Variants in SLC35F4 observed in about 807,000 individuals in gnomAD.
The protein encoded by SLC35F4 is chromosome 14 open reading frame 36.
A neutral mutation model predicts 44.2 loss-of-function variants in SLC35F4; 24 were observed. The observed-to-expected ratio is 0.54, with a 90% CI of 0.39 to 0.76. The LOEUF is 0.76. Among genes scored for constraint, SLC35F4 ranks in the 30% least tolerant of loss-of-function variants. The pLI is 0.00. For missense variants in SLC35F4, 562 were observed against 586.1 expected, an observed-to-expected ratio of 0.96 and a Z score of 0.42; for synonymous variants, 238 against 223.6, an observed-to-expected ratio of 1.06 and a Z score of -0.57.
chr14:57,944,645 G>A lies in SLC35F4; in HGVS notation n.282+37268C>T, dbSNP rs1046089406. On this transcript the variant is annotated intron_variant and non_coding_transcript_variant, in intron 1 of 1. Coordinates refer to the SLC35F4 transcript ENST00000556568. ...AAGAAAATAAAGAAAAAAGAAAAGA[G>A]GCAGGAAGGGAGGGAGAGAGAGAAA... is the stretch of plus-strand genomic sequence containing the variant. Among the ~76,000 whole-genome samples, 6 of 138,872 alleles carry A rather than the reference G, an allele frequency of 4.3e-5. No homozygotes were observed. In the East Asian group the frequency reaches 1.3e-3, roughly 31 times the overall value. 91.1% of individuals were successfully genotyped at this position (138,872 alleles called of 152,430 possible).
At chr14:57,809,464 C>T (rs773821583) in intron 1 of SLC35F4, among the ~76,000 whole-genome samples, 29 of 152,124 alleles carry the variant, frequency 1.9e-4, no homozygotes, top group Non-Finnish European at 2.6e-4. Flanking sequence ...GCAGACTCCA[C>T]GACCCAGAAG....
At chr14:57,667,110 A>G (rs961805853) in intron 1 of SLC35F4, among the ~76,000 whole-genome samples, 3 of 151,818 alleles carry the variant, frequency 2.0e-5, no homozygotes, top group South Asian at 2.1e-4. Flanking sequence ...GAGCAGATTA[A>G]AGAAAGCATT....
chr14:57,569,708 A>AAAT, intron 6 of SLC35F4, 80 bp downstream of exon 6: 1 of 1,386,280 alleles, frequency 7.2e-7, no homozygotes, highest in Non-Finnish European at 9.5e-7. Context: ...TTACCCAAGG[A>AAAT]AATAATCCTA....
At chr14:57,670,902 C>CTTTTTTTTT (rs35951590) in intron 1 of SLC35F4, among the ~76,000 whole-genome samples, 5 of 107,350 alleles carry the variant, frequency 4.7e-5, no homozygotes, top group Non-Finnish European at 5.3e-5. Flanking sequence ...CTCATTCATT[C>CTTTTTTTTT]TTTTTTTTTT....
chr14:57,979,170 A>T (rs1881301615), intron 1 of SLC35F4, among the ~76,000 whole-genome samples: 1 of 152,206 alleles, frequency 6.6e-6, no homozygotes, highest in Admixed American at 6.5e-5. Flanking sequence ...TGAGGAAAAT[A>T]AAGATTGGGT....
intron 1 of SLC35F4, among the ~76,000 whole-genome samples, chr14:57,725,023 G>C (rs1431238267): frequency 6.6e-6 from 1 of 152,190 alleles, no homozygotes; most frequent in Non-Finnish European, 1.5e-5. Flanking sequence ...AGAGATAAGT[G>C]GATGGACCTC....
chr14:57,712,890 A>C (rs527959985), intron 1 of SLC35F4, among the ~76,000 whole-genome samples: 1 of 152,324 alleles, frequency 6.6e-6, no homozygotes, highest in African/African-American at 2.4e-5. Context: ...GAGTTAGAGC[A>C]GTAATTCCCC....
intron 1 of SLC35F4, among the ~76,000 whole-genome samples, chr14:57,892,996 G>A (rs1888802188): frequency 6.6e-6 from 1 of 152,126 alleles, no homozygotes. Flanking sequence ...CTGCTTAAAA[G>A]AAAGCAAAAC....
At chr14:57,571,047 C>A (rs2068475250) in intron 5 of SLC35F4, among the ~76,000 whole-genome samples, 1 of 152,054 alleles carries the variant, frequency 6.6e-6, no homozygotes, top group Admixed American at 6.6e-5. Flanking sequence ...CTCTGAGACA[C>A]AGTGTTGGTT....
chr14:57,588,891 G>A (rs2069970259), intron 3 of SLC35F4, among the ~76,000 whole-genome samples: 1 of 152,184 alleles, frequency 6.6e-6, no homozygotes, highest in African/African-American at 2.4e-5. Context: ...TTATTTATAA[G>A]TGTATAACAT....
At chr14:57,621,511 C>T (rs2072178762) in intron 1 of SLC35F4, among the ~76,000 whole-genome samples, 1 of 152,118 alleles carries the variant, frequency 6.6e-6, no homozygotes, top group Non-Finnish European at 1.5e-5. Context: ...AGAAATAACA[C>T]TACATATCTA....
intron 1 of SLC35F4, among the ~76,000 whole-genome samples, chr14:57,603,404 T>C (rs1814391198): frequency 6.6e-6 from 1 of 152,196 alleles, no homozygotes; most frequent in Non-Finnish European, 1.5e-5. Context: ...TCTTCCTATT[T>C]AGGGGGAGTT....
intron 1 of SLC35F4, among the ~76,000 whole-genome samples, chr14:57,716,510 T>A (rs1566789989): frequency 6.6e-6 from 1 of 152,192 alleles, no homozygotes; most frequent in Admixed American, 6.5e-5. Context: ...ATTCACTGTT[T>A]TAATTTTTCT....
intron 1 of SLC35F4, among the ~76,000 whole-genome samples, chr14:57,799,150 C>T (rs906540922): frequency 1.3e-5 from 2 of 152,162 alleles, no homozygotes; most frequent in African/African-American, 4.8e-5. Context: ...ACTTGACCCA[C>T]AAAGAACAAA....
chr14:57,651,013 T>A (rs979036804), intron 1 of SLC35F4, among the ~76,000 whole-genome samples: 1 of 152,170 alleles, frequency 6.6e-6, no homozygotes, highest in Non-Finnish European at 1.5e-5. Context: ...TCAGTTATAC[T>A]CCATAACATT....
intron 3 of SLC35F4, among the ~76,000 whole-genome samples, chr14:57,587,561 G>A (rs962942480): frequency 6.6e-6 from 1 of 152,186 alleles, no homozygotes; most frequent in African/African-American, 2.4e-5. Context: ...ATTAGTGGGA[G>A]TTGAACAATG....
intron 1 of SLC35F4, among the ~76,000 whole-genome samples, chr14:57,822,690 A>G (rs778690852): frequency 1.5e-4 from 23 of 152,192 alleles, no homozygotes; most frequent in Non-Finnish European, 3.2e-4. Flanking sequence ...GCTGACTATA[A>G]TGTCCAAGGG....
At chr14:57,730,924 AC>A (rs2076327925) in intron 1 of SLC35F4, among the ~76,000 whole-genome samples, 1 of 152,226 alleles carries the variant, frequency 6.6e-6, no homozygotes, top group Non-Finnish European at 1.5e-5. Flanking sequence ...GGTGAAAGAT[AC>A]ACGGCTTCTC....
chr14:57,715,481 G>C (rs1010766893), intron 1 of SLC35F4, among the ~76,000 whole-genome samples: 7 of 152,168 alleles, frequency 4.6e-5, no homozygotes, highest in Non-Finnish European at 8.8e-5. Flanking sequence ...ATCTCTATGA[G>C]ATCAAAGGGC....
Sources: gnomAD v4.1 joint callset for allele counts (sites outside exome capture counted in the v4.1 genomes callset) on GRCh38, gnomAD v4.1.1 for gene constraint, MANE v1.5 for transcripts, NCBI Gene and HGNC (gene_info 2026-07-23, HGNC 2026-07-21) for gene names.